Variants in ACACA observed in about 807,000 individuals in gnomAD.
ACACA encodes acetyl-CoA carboxylase 1.
Under a neutral mutation model 296.1 loss-of-function variants are expected in ACACA, and 103 were observed. The ratio of observed to expected loss-of-function variants is 0.35; its 90% CI spans 0.30 to 0.41. ACACA has a LOEUF of 0.41. Ranked by LOEUF, ACACA falls within the 10% of genes least tolerant of loss-of-function variation. The pLI is 1.00. For missense variants in ACACA, 1,554 were observed against 2,989.7 expected (o/e 0.52, Z 11.20); for synonymous variants, 953 against 1,038.6 (o/e 0.92, Z 1.58).
At chr17:37,377,659 C>CAATAAATAAATA (rs140365002) in intron 1 of ACACA, among the ~76,000 whole-genome samples, 6 of 143,634 alleles carry the variant, frequency 4.2e-5, no homozygotes, top group South Asian at 4.6e-4. Context: ...GACTCCGTCT[C>CAATAAATAAATA]AATAAATAAA....
At chr17:37,330,489 C>T (rs1568005666) in intron 2 of ACACA, 64 bp from the exon 3 acceptor site, 3 of 1,596,310 alleles carry the variant, frequency 1.9e-6, no homozygotes, top group Admixed American at 3.3e-5. Flanking sequence ...TGAGGTCAGC[C>T]AGAGGTTATA....
intron 11 of ACACA, among the ~76,000 whole-genome samples, chr17:37,262,068 G>A (rs753233939): frequency 2.4e-4 from 37 of 152,012 alleles, no homozygotes; most frequent in Non-Finnish European, 4.3e-4. Context: ...GTCTTCCTTG[G>A]ACAAAGGCTA....
intron 22 of ACACA, among the ~76,000 whole-genome samples, chr17:37,242,591 C>G (rs1349067871): frequency 6.6e-6 from 1 of 152,060 alleles, no homozygotes; most frequent in African/African-American, 2.4e-5. Flanking sequence ...ATTAGCTGGG[C>G]ATAGTGGTGC....
chr17:37,352,968 C>T (rs1243723648), intron 1 of ACACA, among the ~76,000 whole-genome samples: 2 of 152,120 alleles, frequency 1.3e-5, no homozygotes, highest in Non-Finnish European at 2.9e-5. Context: ...TCAGTTGCCC[C>T]GTGATGCCTT....
intron 45 of ACACA, among the ~76,000 whole-genome samples, chr17:37,149,338 T>C (rs1395986811): frequency 3.3e-5 from 5 of 152,206 alleles, no homozygotes; most frequent in Non-Finnish European, 4.4e-5. Flanking sequence ...GAGAGGTGTA[T>C]TTACAGATTT....
chr17:37,184,986 T>A (rs554938304), intron 39 of ACACA, among the ~76,000 whole-genome samples: 1 of 152,046 alleles, frequency 6.6e-6, no homozygotes, highest in East Asian at 1.9e-4. Flanking sequence ...TAGTACACAC[T>A]GTTTGATTTA....
intron 1 of ACACA, among the ~76,000 whole-genome samples, chr17:37,341,799 C>T (rs531340414): frequency 2.6e-5 from 4 of 152,036 alleles, no homozygotes; most frequent in East Asian, 3.9e-4. Flanking sequence ...CATAAACCAA[C>T]GATTCTTAAA....
At position 37,332,187 on chromosome 17, in the gene ACACA, T is replaced by G. The variant is rs9891762; in HGVS notation, c.86-1762A>C. On this transcript the variant is annotated intron_variant, in intron 2 of 55. Coordinates refer to ENST00000616317, the MANE Select transcript of ACACA (RefSeq NM_198834.3). ...ACCTACATAACAAACCTGCATGTTC[T>G]GCACATGTATCCCAGAACTTAAAAG... Among the ~76,000 whole-genome samples the G allele has an allele frequency of 9.5e-3, 1,439 of 151,220 alleles. 20 individuals are homozygous for G. Among genetic ancestry groups the G allele is most frequent in the African/African-American group, 0.033 (1,368 of 41,228 alleles).
At chr17:37,383,282 A>G (rs1158835925) in intron 1 of ACACA, among the ~76,000 whole-genome samples, 1 of 152,252 alleles carries the variant, frequency 6.6e-6, no homozygotes, top group Admixed American at 6.5e-5. Flanking sequence ...GGGACAAGGA[A>G]AACTGAGGGG....
chr17:37,158,982 A>C (rs1186767257), intron 42 of ACACA, among the ~76,000 whole-genome samples: 1 of 152,040 alleles, frequency 6.6e-6, no homozygotes, highest in Non-Finnish European at 1.5e-5. Flanking sequence ...GTTTGAGAGA[A>C]GTCTGGGCAA....
At chr17:37,302,649 A>C (rs149934825) in intron 3 of ACACA, among the ~76,000 whole-genome samples, 52 of 152,244 alleles carry the variant, frequency 3.4e-4, no homozygotes, top group African/African-American at 1.1e-3. Context: ...TAAGTCTTAT[A>C]CCTTTTTTGC....
intron 43 of ACACA, among the ~76,000 whole-genome samples, chr17:37,154,548 G>A (rs2076164041): frequency 6.6e-6 from 1 of 151,950 alleles, no homozygotes; most frequent in Admixed American, 6.6e-5. Flanking sequence ...CCAGGCTGGA[G>A]TGCAGTGGTG....
At chr17:37,394,341 G>A (rs372995735) in intron 1 of ACACA, among the ~76,000 whole-genome samples, 1 of 151,790 alleles carries the variant, frequency 6.6e-6, no homozygotes, top group African/African-American at 2.4e-5. Context: ...CTCCCCAGTA[G>A]CTGGGATTAC....
chr17:37,155,401 G>A (rs183806102), intron 43 of ACACA, among the ~76,000 whole-genome samples: 90 of 152,114 alleles, frequency 5.9e-4, no homozygotes, highest in Middle Eastern at 6.8e-3. Flanking sequence ...ATTCATAATC[G>A]TGGCCTGAAG....
chr17:37,180,443 G>T (rs1332799310), intron 40 of ACACA, among the ~76,000 whole-genome samples: 1 of 152,152 alleles, frequency 6.6e-6, no homozygotes, highest in Non-Finnish European at 1.5e-5. Context: ...AATACTGGTA[G>T]TATTGACTAG....
At chr17:37,274,146 A>T in intron 9 of ACACA, 47 bp downstream of exon 9, 1 of 1,504,508 alleles carries the variant, frequency 6.6e-7, no homozygotes, top group South Asian at 1.1e-5. Flanking sequence ...ATTTGTGACT[A>T]TAACTGGTCA....
At chr17:37,348,043 C>T (rs530750312) in intron 1 of ACACA, among the ~76,000 whole-genome samples, 1 of 151,864 alleles carries the variant, frequency 6.6e-6, no homozygotes, top group African/African-American at 2.4e-5. Flanking sequence ...TGTGGTGCTA[C>T]ACGCCTGTAA....
At chr17:37,099,016 T>C (rs921920569) in intron 52 of ACACA, among the ~76,000 whole-genome samples, 1 of 152,206 alleles carries the variant, frequency 6.6e-6, no homozygotes, top group African/African-American at 2.4e-5. Context: ...CCTGAAGTGC[T>C]TTGTCACCAA....
At chr17:37,143,851 G>C (rs946189480) in intron 45 of ACACA, 1 of 1,534,264 alleles carries the variant, frequency 6.5e-7, no homozygotes, top group Admixed American at 1.7e-5. Context: ...CTTCAGCTTC[G>C]CAGCCTTCTT....
Sources: gnomAD v4.1 joint callset for allele counts (sites outside exome capture counted in the v4.1 genomes callset) on GRCh38, gnomAD v4.1.1 for gene constraint, MANE v1.5 for transcripts, NCBI Gene and HGNC (gene_info 2026-07-23, HGNC 2026-07-21) for gene names.